Variants in MAPRE2 observed in about 807,000 individuals in gnomAD.
MAPRE2 encodes microtubule-associated protein RP/EB family member 2.
Under a neutral mutation model 43.2 loss-of-function variants are expected in MAPRE2, and 13 were observed. That is an observed-to-expected ratio of 0.30 (90% CI 0.20 to 0.48). The LOEUF (loss-of-function observed/expected upper bound fraction) is 0.48. Among genes scored for constraint, MAPRE2 ranks in the 20% least tolerant of loss-of-function variants. The pLI is 0.99. For synonymous variants in MAPRE2, 135 were observed against 148.8 expected (o/e 0.91, Z 0.68); for missense variants, 161 against 400.2 (o/e 0.40, Z 5.10).
intron 2 of MAPRE2, among the ~76,000 whole-genome samples, chr18:35,078,064 A>C (rs545859946): frequency 1.3e-5 from 2 of 152,250 alleles, no homozygotes; most frequent in East Asian, 3.9e-4. Context: ...AAGAGTGTAA[A>C]TTTGGGGAAA....
At chr18:35,024,023 C>T (rs1013618363) in intron 2 of MAPRE2, among the ~76,000 whole-genome samples, 2 of 152,094 alleles carry the variant, frequency 1.3e-5, no homozygotes, top group African/African-American at 2.4e-5. Flanking sequence ...AAAGAACCAC[C>T]GTAGGGCACA....
intron 2 of MAPRE2, among the ~76,000 whole-genome samples, chr18:35,011,276 G>A (rs532443811): frequency 1.3e-5 from 2 of 152,198 alleles, no homozygotes; most frequent in Non-Finnish European, 2.9e-5. Flanking sequence ...TCTGAGACCC[G>A]AAGGAAAAGG....
intron 1 of MAPRE2, among the ~76,000 whole-genome samples, chr18:35,004,027 C>G (rs1023840999): frequency 1.3e-5 from 2 of 152,156 alleles, no homozygotes; most frequent in African/African-American, 4.8e-5. Flanking sequence ...GATTTTTAAA[C>G]AAGCCCAAGT....
At chr18:35,026,696 G>A (rs55922843) in intron 2 of MAPRE2, among the ~76,000 whole-genome samples, 11,754 of 152,198 alleles carry the variant, frequency 0.077, 1,047 homozygotes, top group African/African-American at 0.22. Flanking sequence ...ACCTGCATCT[G>A]TACCCCGCTG....
At chr18:35,008,993 T>C (rs1225929460) in intron 2 of MAPRE2, among the ~76,000 whole-genome samples, 1 of 152,100 alleles carries the variant, frequency 6.6e-6, no homozygotes, top group Non-Finnish European at 1.5e-5. Context: ...TACATATATA[T>C]ATATGAATGA....
intron 1 of MAPRE2, among the ~76,000 whole-genome samples, chr18:34,991,386 C>A (rs1406798162): frequency 2.6e-5 from 4 of 152,110 alleles, no homozygotes; most frequent in African/African-American, 9.7e-5. Context: ...GCTTTGGAAC[C>A]AAGTTGTGCT....
At chr18:35,139,272 T>C (rs1464540957) in intron 6 of MAPRE2, among the ~76,000 whole-genome samples, 2 of 152,180 alleles carry the variant, frequency 1.3e-5, no homozygotes, top group Non-Finnish European at 2.9e-5. Context: ...GCATGGGCAC[T>C]TCCATATGTC....
chr18:35,001,963 G>T lies in MAPRE2; in HGVS notation c.-69-3529G>T. 1.3e-5 allele frequency among the ~76,000 whole-genome samples: 2 copies of T among 152,096 alleles called. 1 individual carries two copies. The highest frequency in any genetic ancestry group is 3.9e-4 in the East Asian group (2 of 5,194). On this transcript the variant is annotated intron_variant, in intron 1 of 7. Transcript: ENST00000413393. ...ATTCTTTATCTAATCTGCCATGGTA[G>T]CATCTTGCAAACTTACAGCACAATG...
intron 4 of MAPRE2, among the ~76,000 whole-genome samples, chr18:35,120,603 A>G (rs1287285771): frequency 6.6e-6 from 1 of 152,172 alleles, no homozygotes; most frequent in Non-Finnish European, 1.5e-5. Flanking sequence ...TTCTGTAGGG[A>G]CTGGCAACCC....
At chr18:35,112,256 C>T (rs756235439) in intron 4 of MAPRE2, among the ~76,000 whole-genome samples, 1 of 151,548 alleles carries the variant, frequency 6.6e-6, no homozygotes, top group Non-Finnish European at 1.5e-5. Context: ...CAACCTCCGC[C>T]TCCTGGGTTC....
intron 1 of MAPRE2, among the ~76,000 whole-genome samples, chr18:35,048,708 T>C (rs1178727827): frequency 6.7e-6 from 1 of 149,230 alleles, no homozygotes. Flanking sequence ...TACTATTATA[T>C]ATAGTGTATA....
At chr18:35,089,389 AAT>A (rs1424492027) in intron 2 of MAPRE2, among the ~76,000 whole-genome samples, 1 of 152,216 alleles carries the variant, frequency 6.6e-6, no homozygotes, top group African/African-American at 2.4e-5. Flanking sequence ...AATGGGAGAA[AAT>A]ATTTACAAAT....
At chr18:35,056,810 T>G (rs758448827) in intron 1 of MAPRE2, among the ~76,000 whole-genome samples, 3 of 152,248 alleles carry the variant, frequency 2.0e-5, no homozygotes, top group Non-Finnish European at 2.9e-5. Flanking sequence ...CAAAACATTC[T>G]CAATTCAGTA....
At position 35,001,407 on chromosome 18, in the gene MAPRE2, G is replaced by A. The variant is rs28714452; in HGVS notation, c.-69-4085G>A. Among the ~76,000 whole-genome samples the A allele has an allele frequency of 6.5e-3, 985 of 152,116 alleles. 9 individuals are homozygous for A. The highest frequency in any genetic ancestry group is 0.022 in the African/African-American group (909 of 41,474). On this transcript the variant is annotated intron_variant, in intron 1 of 7. Transcript: ENST00000413393. Reference sequence around the variant, plus strand: ...CACATGCCTGTAATCCCAGCTACGCGGGAGGTTGAGGCACGAGAATCGCTT... The same window carrying A: ...CACATGCCTGTAATCCCAGCTACGCAGGAGGTTGAGGCACGAGAATCGCTT...
chr18:34,984,721 C>A (rs761259092), intron 1 of MAPRE2, among the ~76,000 whole-genome samples: 1 of 143,758 alleles, frequency 7.0e-6, no homozygotes, highest in Non-Finnish European at 1.5e-5. Flanking sequence ...TCATAATCTA[C>A]ATTCACATTT....
intron 3 of MAPRE2, among the ~76,000 whole-genome samples, chr18:35,101,125 G>C (rs1354405713): frequency 6.6e-6 from 1 of 152,214 alleles, no homozygotes; most frequent in Non-Finnish European, 1.5e-5. Flanking sequence ...GAGACGTTTT[G>C]AGGATAAATG....
chr18:35,127,233 C>T (rs1305431714), intron 5 of MAPRE2, 146 bp downstream of exon 5: 25 of 777,664 alleles, frequency 3.2e-5, no homozygotes, highest in Middle Eastern at 3.7e-4. Context: ...AAGAATTGTT[C>T]GAAGACAAAA....
rs139872966 is a variant in MAPRE2 at position 35,116,872 on chromosome 18, A to C, written c.611-10076A>C. On this transcript the variant is annotated intron_variant, in intron 4 of 6. Coordinates refer to ENST00000300249, the MANE Select transcript of MAPRE2 (RefSeq NM_014268.4). Reference sequence around the variant, plus strand: ...GCATGAACACCAGGAGGTGGAGATCATTAGGGTAAGGGGATTACTGTAGGA... The same window carrying C: ...GCATGAACACCAGGAGGTGGAGATCCTTAGGGTAAGGGGATTACTGTAGGA... Among the ~76,000 whole-genome samples the C allele has an allele frequency of 1.5e-3, 226 of 152,300 alleles. 2 individuals are homozygous for C. Among genetic ancestry groups the C allele is most frequent in the Non-Finnish European group, 2.4e-3 (164 of 68,020 alleles).
intron 2 of MAPRE2, among the ~76,000 whole-genome samples, chr18:35,034,797 C>G (rs1327548127): frequency 1.3e-5 from 2 of 152,190 alleles, no homozygotes; most frequent in African/African-American, 4.8e-5. Flanking sequence ...AAATGCAAAT[C>G]AAAACCACAA....
Sources: allele counts gnomAD v4.1 joint callset (sites outside exome capture counted in the v4.1 genomes callset), GRCh38; gene constraint gnomAD v4.1.1; transcripts MANE v1.5; gene names NCBI Gene and HGNC (gene_info 2026-07-23, HGNC 2026-07-21).